The following ZC3H8 variants were observed in gnomAD, a reference collection of about 807,000 sequenced individuals.
The protein encoded by ZC3H8 is zinc finger CCCH domain-containing protein 8.
A neutral mutation model predicts 42.5 loss-of-function variants in ZC3H8; 27 were observed. That is an observed-to-expected ratio of 0.64 (90% CI 0.47 to 0.88). The LOEUF (loss-of-function observed/expected upper bound fraction) is 0.88, where lower values mean the gene tolerates loss of function less well. ZC3H8 is among the 40% of genes least tolerant of loss of function. The probability of loss-of-function intolerance (pLI) is 0.00; values close to 1 mark genes in which losing one functional copy is unlikely to be tolerated. For missense variants in ZC3H8, 277 were observed against 336.1 expected, an observed-to-expected ratio of 0.82 and a Z score of 1.37; for synonymous variants, 101 against 110.1, an observed-to-expected ratio of 0.92 and a Z score of 0.52.
chr2:112,239,060 AATG>A (rs2104661153), intron 2 of ZC3H8, among the ~76,000 whole-genome samples: 1 of 152,388 alleles, frequency 6.6e-6, no homozygotes, highest in African/African-American at 2.4e-5. Context: ...TGGTAGCAGC[AATG>A]ATGACAAGGA....
chr2:112,230,354 C>T (rs1685037101), intron 8 of ZC3H8, among the ~76,000 whole-genome samples: 1 of 152,118 alleles, frequency 6.6e-6, no homozygotes, highest in African/African-American at 2.4e-5. Flanking sequence ...TTGGCACATA[C>T]TGTGGATAAC....
intron 8 of ZC3H8, among the ~76,000 whole-genome samples, chr2:112,220,441 GA>G (rs1343872178): frequency 2.0e-5 from 3 of 152,158 alleles, no homozygotes; most frequent in African/African-American, 7.2e-5. Context: ...ATTCTTGGTT[GA>G]AAATTCTTTA....
chr2:112,236,771 G>T (rs1043914867), intron 3 of ZC3H8, 76 bp from the exon 4 acceptor site: 1 of 1,301,858 alleles, frequency 7.7e-7, no homozygotes, highest in Non-Finnish European at 1.1e-6. Context: ...ACGGGGCCAG[G>T]TGCAGTGGCT....
chr2:112,243,537 A>T (rs1487431680), intron 2 of ZC3H8, among the ~76,000 whole-genome samples: 2 of 152,214 alleles, frequency 1.3e-5, no homozygotes, highest in Admixed American at 6.5e-5. Context: ...TTTGATAAGG[A>T]ACAGTAACTT....
chr2:112,242,744 G>A (rs752873314), intron 2 of ZC3H8, among the ~76,000 whole-genome samples: 23 of 152,000 alleles, frequency 1.5e-4, no homozygotes, highest in Non-Finnish European at 5.9e-5. Flanking sequence ...CAACTCACAA[G>A]AGAGTAACAG....
chr2:112,254,929 G>T lies in ZC3H8; in HGVS notation c.53C>A (p.Thr18Lys), dbSNP rs1005879275. The T allele has an allele frequency of 6.2e-7, 1 of 1,613,358 alleles. No homozygotes were observed. Among genetic ancestry groups the T allele is most frequent in the African/African-American group, 1.3e-5 (1 of 74,926 alleles). The change falls in exon 1 of 9, where the codon ACG (threonine) becomes AAG (lysine). Residue 18 changes from threonine (T) to lysine (K), a missense_variant. Transcript: ENST00000409573. ...TCACCTTTCGTCAGAGTCCGTGGCC[G>T]TTTTGCCGAGGGCCGGGTTGGGGGG... Reference protein sequence around the residue: ...SKPPNPALGKTATDSDERIDD... With the variant: ...SKPPNPALGKKATDSDERIDD...
chr2:112,250,757 A>G (rs1685918533), intron 1 of ZC3H8, among the ~76,000 whole-genome samples: 1 of 152,254 alleles, frequency 6.6e-6, no homozygotes. Flanking sequence ...AGAGGCATTC[A>G]GAGCCTAAAT....
At chr2:112,222,564 G>A (rs1262182078) in intron 8 of ZC3H8, among the ~76,000 whole-genome samples, 7 of 152,330 alleles carry the variant, frequency 4.6e-5, no homozygotes, top group Non-Finnish European at 1.5e-5. Context: ...TCACTTACAT[G>A]AGATACCTAC....
intron 2 of ZC3H8, among the ~76,000 whole-genome samples, chr2:112,245,879 T>C (rs1019434800): frequency 2.0e-5 from 3 of 152,162 alleles, no homozygotes; most frequent in Admixed American, 6.5e-5. Context: ...CTACAATCTA[T>C]GCATGTAACA....
rs368474720 is a variant in ZC3H8, at chr2:112,233,375, G to A, written c.622-4C>T. On this transcript the variant is annotated splice_polypyrimidine_tract_variant and splice_region_variant and intron_variant, in intron 5 of 8. Coordinates refer to ENST00000409573, the MANE Select transcript of ZC3H8 (RefSeq NM_032494.3). ...GATCAAATTTACACTGGTCTCCCTAGGCCAAAAGAAGGAGCAAGGAAAAGC... is the reference window on the plus strand; with the variant it reads ...GATCAAATTTACACTGGTCTCCCTAAGCCAAAAGAAGGAGCAAGGAAAAGC... 5.1e-6 allele frequency: 8 copies of A among 1,555,350 alleles called. No homozygotes were observed. The highest frequency in any genetic ancestry group is 2.0e-5 in the Admixed American group (1 of 51,090).
At chr2:112,235,915 G>A (rs1373551922) in intron 4 of ZC3H8, among the ~76,000 whole-genome samples, 2 of 141,932 alleles carry the variant, frequency 1.4e-5, no homozygotes, top group African/African-American at 5.3e-5. Context: ...CATTTTTCCC[G>A]AGTCATTGAT....
chr2:112,225,540 G>A (rs1684785011), intron 8 of ZC3H8, among the ~76,000 whole-genome samples: 1 of 152,224 alleles, frequency 6.6e-6, no homozygotes, highest in Non-Finnish European at 1.5e-5. Flanking sequence ...AAGCTGGCCA[G>A]GCACAGTGGC....
At chr2:112,227,171 T>C (rs546791315) in intron 8 of ZC3H8, among the ~76,000 whole-genome samples, 1 of 152,362 alleles carries the variant, frequency 6.6e-6, no homozygotes, top group African/African-American at 2.4e-5. Context: ...TAACCTTGTA[T>C]AGAAGGTTTC....
intron 2 of ZC3H8, among the ~76,000 whole-genome samples, chr2:112,238,903 C>A (rs1275735090): frequency 6.6e-6 from 1 of 152,176 alleles, no homozygotes; most frequent in Non-Finnish European, 1.5e-5. Context: ...TCTGCCTTTG[C>A]ATTGACAGTA....
At chr2:112,241,241 T>C (rs1445031002) in intron 2 of ZC3H8, among the ~76,000 whole-genome samples, 1 of 152,092 alleles carries the variant, frequency 6.6e-6, no homozygotes, top group Non-Finnish European at 1.5e-5. Flanking sequence ...CCCAGGTACT[T>C]TCCCTAGGAA....
At chr2:112,224,945 T>C (rs966442276) in intron 8 of ZC3H8, among the ~76,000 whole-genome samples, 3 of 152,208 alleles carry the variant, frequency 2.0e-5, no homozygotes, top group African/African-American at 7.2e-5. Flanking sequence ...CTGTATACTC[T>C]CCATTTATTT....
intron 6 of ZC3H8, among the ~76,000 whole-genome samples, chr2:112,232,606 G>A (rs971511304): frequency 4.6e-5 from 7 of 151,954 alleles, no homozygotes; most frequent in African/African-American, 1.7e-4. Flanking sequence ...AGTCAACAAC[G>A]ACATATCTTA....
In ZC3H8 at chr2:112,212,872, G is replaced by C. The variant is rs565107504; in HGVS notation, c.*3612C>G. ...GCCAAACTCCAAATGTGATGTCTTT[G>C]CTTATAATTGGCAGGAGGAGCCCCA... On this transcript the variant is annotated 3_prime_UTR_variant, in exon 9 of 9. Transcript: ENST00000409573. 96 of 151,158 alleles carry C rather than the reference G, an allele frequency of 6.4e-4. 1 individual carries two copies. The highest frequency in any genetic ancestry group is 2.2e-3 in the African/African-American group (92 of 41,142). 9.4% of individuals were successfully genotyped at this position (151,158 alleles called of 1,614,324 possible). A position where few individuals can be genotyped will look rare whatever the true frequency, so the allele number is the denominator to read the frequency against.
rs1166711844 is a variant in ZC3H8, at chr2:112,213,775, C to CAAAAAA, written c.*2703_*2708dup. On this transcript the variant is annotated 3_prime_UTR_variant, in exon 9 of 9. Transcript: ENST00000409573. ...TGGGCGACAGAGCGAGACTCCGTCT[C>CAAAAAA]AAAAAAAAAAAAAAAAAAAAAAAAA... The CAAAAAA allele has an allele frequency of 8.3e-5, 2 of 24,076 alleles. No individual in the cohort carries two copies. Among genetic ancestry groups the CAAAAAA allele is most frequent in the African/African-American group, 4.0e-4 (2 of 5,028 alleles). The allele number at this position is 24,076 out of a possible 1,614,324, so 1.5% of individuals were successfully genotyped here.
Sources: allele counts gnomAD v4.1 joint callset (sites outside exome capture counted in the v4.1 genomes callset), GRCh38; gene constraint gnomAD v4.1.1; transcripts MANE v1.5; gene names NCBI Gene and HGNC (gene_info 2026-07-23, HGNC 2026-07-21).